Variants in DLEU7 observed in about 807,000 individuals in gnomAD.
The protein encoded by DLEU7 is deleted in lymphocytic leukemia 7.
A neutral mutation model predicts 16.0 loss-of-function variants in DLEU7; 17 were observed. The ratio of observed to expected loss-of-function variants is 1.06; its 90% CI spans 0.73 to 1.59. The LOEUF (loss-of-function observed/expected upper bound fraction) is 1.59, where lower values mean the gene tolerates loss of function less well. Ranked by LOEUF, DLEU7 falls within the 40% of genes most tolerant of loss-of-function variation. The pLI, the probability that DLEU7 is intolerant of heterozygous loss-of-function variation, is 0.00. For synonymous variants in DLEU7, 113 were observed against 139.8 expected (o/e 0.81, Z 1.35); for missense variants, 308 against 314.9 (o/e 0.98, Z 0.17).
intron 1 of DLEU7, among the ~76,000 whole-genome samples, chr13:50,788,743 C>G (rs773497739): frequency 5.9e-5 from 9 of 152,206 alleles, no homozygotes; most frequent in Non-Finnish European, 8.8e-5. Flanking sequence ...ATAGGAAAAT[C>G]CCTCCCACAG....
rs1876960146 is a variant in DLEU7 at position 50,822,963 on chromosome 13, C to T, written c.*351G>A. The T allele has an allele frequency of 1.1e-6, 1 of 944,036 alleles. No homozygotes were observed. The highest frequency in any genetic ancestry group is 1.3e-6 in the Non-Finnish European group (1 of 784,380). The allele number at this position is 944,036 out of a possible 1,614,324, so 58.5% of individuals were successfully genotyped here. On this transcript the variant is annotated 3_prime_UTR_variant, in exon 2 of 2. Transcript: ENST00000504404. The stretch of plus-strand genomic sequence containing the variant: ...AATAACCACATTAAACCCTTTAGAC[C>T]TACATTAATATGAATACAAATTAAG...
chr13:50,837,635 T>A (rs113459376), intron 1 of DLEU7, among the ~76,000 whole-genome samples: 1 of 152,198 alleles, frequency 6.6e-6, no homozygotes, highest in Admixed American at 6.5e-5. Flanking sequence ...AGCATTTATG[T>A]CTTCAATAGT....
At chr13:50,722,324 A>G (rs1021965651) in intron 1 of DLEU7, among the ~76,000 whole-genome samples, 4 of 152,232 alleles carry the variant, frequency 2.6e-5, no homozygotes, top group Non-Finnish European at 5.9e-5. Context: ...TTCCAGGAGG[A>G]GGAACCAGTG....
chr13:50,747,641 A>G (rs972265064), intron 1 of DLEU7, among the ~76,000 whole-genome samples: 2 of 151,964 alleles, frequency 1.3e-5, no homozygotes, highest in East Asian at 3.9e-4. Flanking sequence ...ATGCCCCTCT[A>G]GTGTCCTCGT....
At chr13:50,829,559 T>C (rs541347250) in intron 1 of DLEU7, among the ~76,000 whole-genome samples, 2 of 152,316 alleles carry the variant, frequency 1.3e-5, no homozygotes, top group East Asian at 3.9e-4. Flanking sequence ...AAGGTGTTGC[T>C]TGGGGAAATT....
At chr13:50,713,309 T>G in intron 1 of DLEU7, 1 of 1,545,372 alleles carries the variant, frequency 6.5e-7, no homozygotes, top group Non-Finnish European at 8.8e-7. Flanking sequence ...ATTCAACAAT[T>G]ATTTACTGAG....
intron 1 of DLEU7, among the ~76,000 whole-genome samples, chr13:50,715,214 C>T (rs190694781): frequency 3.9e-5 from 6 of 152,284 alleles, no homozygotes; most frequent in East Asian, 1.9e-4. Flanking sequence ...TGACTTTCGT[C>T]GGGAAATGTT....
intron 1 of DLEU7, among the ~76,000 whole-genome samples, chr13:50,771,856 C>G (rs1875325801): frequency 6.6e-6 from 1 of 152,140 alleles, no homozygotes. Flanking sequence ...CTAATATTGA[C>G]AGTGGGGTAT....
chr13:50,755,940 G>A (rs1391718817), intron 1 of DLEU7, among the ~76,000 whole-genome samples: 4 of 152,114 alleles, frequency 2.6e-5, no homozygotes, highest in African/African-American at 9.7e-5. Flanking sequence ...TTTTCCTATG[G>A]ATGTGGCTTT....
At chr13:50,760,302 T>C (rs1874890407) in intron 1 of DLEU7, among the ~76,000 whole-genome samples, 1 of 152,198 alleles carries the variant, frequency 6.6e-6, no homozygotes, top group Non-Finnish European at 1.5e-5. Context: ...ATACTTTCAA[T>C]TACACTTACA....
Position 50,726,860 on chromosome 13 carries a change from T to TA in DLEU7, c.460-13621dup, listed in dbSNP as rs1873775059. Among the ~76,000 whole-genome samples, 1 of 152,228 alleles carries TA rather than the reference T, an allele frequency of 6.6e-6. No individual in the cohort carries two copies. Among genetic ancestry groups the TA allele is most frequent in the Admixed American group, 6.5e-5 (1 of 15,278 alleles). Reference sequence around the variant, plus strand: ...CCTGGAGACTTCATGTTTCTAGACTTACTGAGATTCTTGGATGACACATGC... The same window carrying TA: ...CCTGGAGACTTCATGTTTCTAGACTTAACTGAGATTCTTGGATGACACATGC... On this transcript the variant is annotated intron_variant, in intron 1 of 1. Transcript: ENST00000400393. This position sits in a 1 kb window ranked among gnomAD's most constrained non-coding sequence, Gnocchi z 4.0.
chr13:50,836,431 T>TCAC (rs750738249), intron 1 of DLEU7, among the ~76,000 whole-genome samples: 6 of 151,906 alleles, frequency 3.9e-5, no homozygotes, highest in Non-Finnish European at 8.8e-5. Context: ...TCCCAGCACT[T>TCAC]TGGGAGGCTG....
rs1436779400 is a variant in DLEU7, at chr13:50,755,669, A to G, written c.460-42429T>C. Among the ~76,000 whole-genome samples, 5 of 152,090 alleles carry G rather than the reference A, an allele frequency of 3.3e-5. No homozygotes were observed. The East Asian group carries it at 9.6e-4, about 29-fold the overall frequency. On this transcript the variant is annotated intron_variant, in intron 1 of 1. Coordinates refer to the DLEU7 transcript ENST00000400393. Reference sequence around the variant, plus strand: ...TGCCTCCCCAATTAGCTTAATAACTAACCTCCTGAATTCTTTTCCAGGTAA... The same window carrying G: ...TGCCTCCCCAATTAGCTTAATAACTGACCTCCTGAATTCTTTTCCAGGTAA...
chr13:50,833,729 C>T (rs1178227853), intron 1 of DLEU7, among the ~76,000 whole-genome samples: 1 of 152,114 alleles, frequency 6.6e-6, no homozygotes, highest in African/African-American at 2.4e-5. Flanking sequence ...CCTGCATAGC[C>T]AAGACAATCC....
chr13:50,787,999 A>T (rs1359689658), intron 1 of DLEU7, among the ~76,000 whole-genome samples: 2 of 150,428 alleles, frequency 1.3e-5, no homozygotes, highest in African/African-American at 4.9e-5. Context: ...CCTCCTTTCC[A>T]CTCTCACAGC....
In DLEU7 at chr13:50,726,209, T is replaced by C. The variant is rs1053603591; in HGVS notation, c.460-12969A>G. On this transcript the variant is annotated intron_variant, in intron 1 of 1. Coordinates refer to the DLEU7 transcript ENST00000400393. This position sits in a 1 kb window ranked among gnomAD's most constrained non-coding sequence, Gnocchi z 4.0. ...CAACCTCTGGGTGCTATTAGACTCA[T>C]GAGATCCCCAGCCAGGCCTCTCCAC... is the stretch of plus-strand genomic sequence containing the variant. Among the ~76,000 whole-genome samples, 7 of 152,244 alleles carry C rather than the reference T, an allele frequency of 4.6e-5. No homozygotes were observed. The highest frequency in any genetic ancestry group is 8.8e-5 in the Non-Finnish European group (6 of 68,038).
chr13:50,738,970 C>T (rs879567248), intron 1 of DLEU7, among the ~76,000 whole-genome samples: 6,747 of 59,518 alleles, frequency 0.11, 189 homozygotes, highest in African/African-American at 0.14. Context: ...AATACACACA[C>T]ACACACACAC....
chr13:50,718,685 A>T (rs1221309042), intron 1 of DLEU7, among the ~76,000 whole-genome samples: 1 of 152,230 alleles, frequency 6.6e-6, no homozygotes, highest in Non-Finnish European at 1.5e-5. Flanking sequence ...GCTAAATAAG[A>T]ATATTTCCCC....
At chr13:50,756,846 G>A (rs1385784433) in intron 1 of DLEU7, among the ~76,000 whole-genome samples, 1 of 152,120 alleles carries the variant, frequency 6.6e-6, no homozygotes, top group Non-Finnish European at 1.5e-5. Context: ...GTCATGCCAG[G>A]CAGGAATAGC....
Sources: gnomAD v4.1 joint callset for allele counts (sites outside exome capture counted in the v4.1 genomes callset) on GRCh38, gnomAD v4.1.1 for gene constraint, Gnocchi (gnomAD v3.1) non-coding constraint, MANE v1.5 for transcripts, NCBI Gene and HGNC (gene_info 2026-07-23, HGNC 2026-07-21) for gene names.